The following REPS2 variants were observed in gnomAD, a reference collection of about 807,000 sequenced individuals.
The protein encoded by REPS2 is ralBP1-associated Eps domain-containing protein 2.
REPS2 carries 23 observed loss-of-function variants against 53.6 expected under a neutral mutation model. That is an observed-to-expected ratio of 0.43 (90% confidence interval 0.31 to 0.61). REPS2 has a LOEUF of 0.61. Ranked by LOEUF, REPS2 falls within the 20% of genes least tolerant of loss-of-function variation. The pLI is 0.11. For missense variants in REPS2, 446 were observed against 534.9 expected (o/e 0.83, Z 1.64); for synonymous variants, 238 against 218.6 (o/e 1.09, Z -0.78).
chrX:17,049,795 G>A (rs1022708990), intron 6 of REPS2, among the ~76,000 whole-genome samples: 4 of 111,152 alleles, frequency 3.6e-5, no homozygotes, highest in Non-Finnish European at 7.5e-5. Context: ...TTTGTTTTAA[G>A]CCAAGTGTTA....
chrX:16,947,048 G>C lies in REPS2; in HGVS notation c.187G>C (p.Val63Leu). Residue 63 changes from valine to leucine, a missense_variant, in exon 1 of 18, where the codon GTC becomes CTC. Transcript: ENST00000357277. ...PGSGPPEAAR[V>L]APGTATAAAG... ...GTCTGGGCCCCCCGAGGCCGCCAGA[G>C]TCGCCCCCGGCACGGCCACTGCGGC... 1 of 1,020,330 alleles carries C rather than the reference G, an allele frequency of 9.8e-7. No homozygotes were observed. The highest frequency in any genetic ancestry group is 1.2e-6 in the Non-Finnish European group (1 of 804,431). The allele number at this position is 1,020,330 out of a possible 1,213,427, so 84.1% of individuals were successfully genotyped here.
Position 17,085,394 on chromosome X carries a change from T to C in REPS2, c.1516+7987T>C, listed in dbSNP as rs1407840657. On this transcript the variant is annotated intron_variant, in intron 13 of 17. Transcript: ENST00000357277. The stretch of plus-strand genomic sequence containing the variant: ...CCACATGAAATTTATGATCAGCTTG[T>C]CAATTTCTGTAAAAACAAAAAAGCC... Among the ~76,000 whole-genome samples, 24 of 112,115 alleles carry C rather than the reference T, an allele frequency of 2.1e-4. 1 individual carries two copies. The Admixed American group carries it at 2.2e-3, about 10-fold the overall frequency.
chrX:17,085,256 C>T lies in REPS2; in HGVS notation c.1516+7849C>T, dbSNP rs1489509087. 4.5e-5 allele frequency among the ~76,000 whole-genome samples: 5 copies of T among 112,185 alleles called. No homozygotes were observed. In the Admixed American group the frequency reaches 4.7e-4, roughly 11 times the overall value. On this transcript the variant is annotated intron_variant, in intron 13 of 17. Coordinates refer to ENST00000357277, the MANE Select transcript of REPS2 (RefSeq NM_004726.3). ...TATAGGTCTATCCTTATGCCAGTAC[C>T]ACAGTGTCTTGATAATTGTAGATTT... is the stretch of plus-strand genomic sequence containing the variant.
intron 5 of REPS2, among the ~76,000 whole-genome samples, chrX:17,046,292 C>G (rs2061905065): frequency 9.1e-6 from 1 of 109,762 alleles, no homozygotes; most frequent in Middle Eastern, 4.6e-3. Context: ...ATTCTCTTGC[C>G]TTAGCCTCCC....
At chrX:17,029,221 C>T (rs2061680151) in intron 4 of REPS2, among the ~76,000 whole-genome samples, 1 of 111,890 alleles carries the variant, frequency 8.9e-6, no homozygotes, top group East Asian at 2.8e-4. Context: ...ACTTATGACA[C>T]TTTTCTAGCT....
chrX:17,061,683 G>A (rs756073487), intron 8 of REPS2, among the ~76,000 whole-genome samples: 1 of 112,406 alleles, frequency 8.9e-6, no homozygotes, highest in South Asian at 3.7e-4. Flanking sequence ...TCTAGCTGTT[G>A]AGATATTTCT....
chrX:17,023,571 A>T, intron 3 of REPS2, among the ~76,000 whole-genome samples: 1 of 112,058 alleles, frequency 8.9e-6, no homozygotes, highest in African/African-American at 3.2e-5. Flanking sequence ...TTATATGGAT[A>T]GTTAGGGGAG....
chrX:16,961,300 A>G (rs1433066181), intron 1 of REPS2, among the ~76,000 whole-genome samples: 2 of 111,909 alleles, frequency 1.8e-5, no homozygotes, highest in Non-Finnish European at 3.8e-5. Flanking sequence ...TACAGTATAT[A>G]TACAGAAATC....
intron 1 of REPS2, among the ~76,000 whole-genome samples, chrX:16,982,674 C>T (rs1465409579): frequency 8.9e-6 from 1 of 111,946 alleles, no homozygotes; most frequent in Non-Finnish European, 1.9e-5. Context: ...ACTTTGGCCA[C>T]GGATTTGCTT....
intron 17 of REPS2, among the ~76,000 whole-genome samples, chrX:17,141,064 C>T (rs986560615): frequency 1.3e-4 from 14 of 111,926 alleles, no homozygotes; most frequent in Non-Finnish European, 2.3e-4. Flanking sequence ...GCCACCGCGC[C>T]AGCGCACGCA....
the REPS2 span, among the ~76,000 whole-genome samples, chrX:17,195,769 G>T: frequency 8.9e-6 from 1 of 112,263 alleles, no homozygotes; most frequent in African/African-American, 3.2e-5. Context: ...TGGTATGTTT[G>T]AGGTAATATT....
the REPS2 span, among the ~76,000 whole-genome samples, chrX:17,173,992 C>G: frequency 2.7e-5 from 3 of 110,053 alleles, no homozygotes; most frequent in South Asian, 7.9e-4. Flanking sequence ...TTGAATAATC[C>G]TGGGCACACT....
At chrX:17,088,818 C>T (rs1270857232) in intron 13 of REPS2, among the ~76,000 whole-genome samples, 6 of 110,399 alleles carry the variant, frequency 5.4e-5, no homozygotes, top group African/African-American at 9.9e-5. Flanking sequence ...CTCCTGACCT[C>T]GTGATCCACC....
At chrX:17,078,848 G>T (rs897375324) in intron 13 of REPS2, among the ~76,000 whole-genome samples, 2 of 112,006 alleles carry the variant, frequency 1.8e-5, no homozygotes, top group African/African-American at 6.5e-5. Context: ...CAGCTCAGCT[G>T]CTTATTCACT....
chrX:17,101,269 A>G (rs188878353), intron 13 of REPS2, among the ~76,000 whole-genome samples: 209 of 109,163 alleles, frequency 1.9e-3, no homozygotes, highest in African/African-American at 6.3e-3. Flanking sequence ...TCACTGTGTT[A>G]GCCAGGATGG....
chrX:17,043,565 T>G (rs891990075), intron 5 of REPS2, among the ~76,000 whole-genome samples: 15 of 109,016 alleles, frequency 1.4e-4, no homozygotes, highest in Non-Finnish European at 2.3e-4. Context: ...TGATGCTTGG[T>G]TCTGGCGCCC....
At chrX:17,057,699 C>T (rs901639714) in intron 8 of REPS2, among the ~76,000 whole-genome samples, 3 of 112,597 alleles carry the variant, frequency 2.7e-5, no homozygotes, top group Admixed American at 9.4e-5. Flanking sequence ...TTCATTCTCT[C>T]CCTCGTCTTG....
chrX:17,074,195 G>C (rs776426876), intron 12 of REPS2, 36 bp downstream of exon 12: 5 of 1,150,400 alleles, frequency 4.3e-6, no homozygotes, highest in Admixed American at 2.3e-5. Flanking sequence ...AATGCCCTTT[G>C]TGCCGTGCCC....
At chrX:17,069,754 C>G (rs1241524983) in intron 10 of REPS2, among the ~76,000 whole-genome samples, 186 bp from the exon 11 acceptor site, 1 of 111,663 alleles carries the variant, frequency 9.0e-6, no homozygotes, top group Non-Finnish European at 1.9e-5. Context: ...TTTCCATACT[C>G]CAGGAGGTCT....
Sources: gnomAD v4.1 joint callset for allele counts (sites outside exome capture counted in the v4.1 genomes callset) on GRCh38, gnomAD v4.1.1 for gene constraint, MANE v1.5 for transcripts, NCBI Gene and HGNC (gene_info 2026-07-23, HGNC 2026-07-21) for gene names.